Variants in FADS3 observed in about 807,000 individuals in gnomAD.
FADS3 encodes the protein cytochrome b5-related protein.
A neutral mutation model predicts 60.4 loss-of-function variants in FADS3; 30 were observed. The observed-to-expected ratio is 0.50, with a 90% confidence interval of 0.37 to 0.67. FADS3 has a LOEUF of 0.67. Ranked by LOEUF, FADS3 falls within the 30% of genes least tolerant of loss-of-function variation. The pLI, the probability that FADS3 is intolerant of heterozygous loss-of-function variation, is 0.00. For missense variants in FADS3, 432 were observed against 598.3 expected (o/e 0.72, Z 2.90); for synonymous variants, 234 against 249.3 (o/e 0.94, Z 0.58).
intron 11 of FADS3, among the ~76,000 whole-genome samples, chr11:61,875,549 G>C (rs1424179838): frequency 6.6e-6 from 1 of 152,168 alleles, no homozygotes; most frequent in Non-Finnish European, 1.5e-5. Flanking sequence ...CATGGCTTCT[G>C]TTTATGAGTC....
At chr11:61,883,223 C>T (rs917219607) in intron 1 of FADS3, among the ~76,000 whole-genome samples, 8 of 152,182 alleles carry the variant, frequency 5.3e-5, no homozygotes, top group Non-Finnish European at 1.0e-4. Flanking sequence ...TCTCCTCCCC[C>T]TGCCCCGGCA....
At chr11:61,878,033 G>T in intron 6 of FADS3, 122 bp downstream of exon 6, 2 of 833,210 alleles carry the variant, frequency 2.4e-6, no homozygotes, top group South Asian at 2.9e-5. Context: ...AGGATGCCAT[G>T]ACCAGGGAGA....
intron 1 of FADS3, among the ~76,000 whole-genome samples, chr11:61,888,042 C>A (rs1938372700): frequency 6.6e-6 from 1 of 152,228 alleles, no homozygotes; most frequent in African/African-American, 2.4e-5. Context: ...CAGCACATGG[C>A]CCTTATATAC....
At position 61,876,919 on chromosome 11, in the gene FADS3, G is replaced by A. The variant is rs760910502; in HGVS notation, c.930C>T (p.Ser310=). ...CAGGGACGCCGTAGAAGGGGAGGTA[G>A]GATAAGAAGAAGCGGGCATAGAAGC... ...AASFYARFFL[S]YLPFYGVPGV... The change falls in exon 8 of 12, where the codon TCC becomes TCT. Residue 310 remains serine (S), a synonymous_variant. Coordinates refer to ENST00000278829, the MANE Select transcript of FADS3 (RefSeq NM_021727.5). The surrounding 1 kb of genome is among the most constrained non-coding windows in gnomAD (Gnocchi z 5.7). 1.2e-6 allele frequency: 2 copies of A among 1,610,588 alleles called. No individual in the cohort carries two copies. The highest frequency in any genetic ancestry group is 3.4e-5 in the Admixed American group (2 of 59,576).
rs976256396 is a variant in FADS3 at position 61,883,779 on chromosome 11, G to A, written c.214-3628C>T. Among the ~76,000 whole-genome samples, 6 of 152,168 alleles carry A rather than the reference G, an allele frequency of 3.9e-5. No individual in the cohort carries two copies. In the South Asian group the frequency reaches 6.2e-4, roughly 16 times the overall value. ...CTGATTCACCCAGGCCAGCCCTGTC[G>A]AGGCACTGACAGGGGAGGACAGAAC... On this transcript the variant is annotated intron_variant, in intron 1 of 11. Transcript: ENST00000278829.
At position 61,877,670 on chromosome 11, in the gene FADS3, T is replaced by C. The variant is rs1937958709; in HGVS notation, c.809-83A>G. On this transcript the variant is annotated intron_variant, in intron 6 of 11. Coordinates refer to ENST00000278829, the MANE Select transcript of FADS3 (RefSeq NM_021727.5). The surrounding 1 kb of genome is among the most constrained non-coding windows in gnomAD (Gnocchi z 4.7). ...GCGCCAGAGTGAGGGGCTCTGTTAC[T>C]CCAGGAATGCCCCTGGGACGTTGGT... 7 of 1,255,956 alleles carry C rather than the reference T, an allele frequency of 5.6e-6. No homozygotes were observed. In the Admixed American group the frequency reaches 9.7e-5, roughly 17 times the overall value. 77.8% of individuals were successfully genotyped at this position (1,255,956 alleles called of 1,614,324 possible).
rs752511844 is a variant in FADS3 at position 61,880,049 on chromosome 11, G to T, written c.316C>A (p.Pro106Thr). 2.5e-6 allele frequency: 4 copies of T among 1,613,328 alleles called. No homozygotes were observed. The highest frequency in any genetic ancestry group is 3.4e-6 in the Non-Finnish European group (4 of 1,179,380). Residue 106 changes from proline to threonine, a missense_variant, in exon 2 of 12, where the codon CCC becomes ACC. Physicochemically the swap from Pro to Thr is conservative, Grantham distance 38. Coordinates refer to ENST00000278829, the MANE Select transcript of FADS3 (RefSeq NM_021727.5). ...CTAGGGCTCTGGCTCACATTCAGGG[G>T]TCCATCCTGGCTGGGTTCTTCCGGA... Reference protein sequence around the residue: ...LAPEEPSQDGPLNAQLVEDFR... With the variant: ...LAPEEPSQDGTLNAQLVEDFR...
chr11:61,874,607 G>A lies in FADS3; in HGVS notation c.1287-742C>T, dbSNP rs181990967. On this transcript the variant is annotated intron_variant, in intron 11 of 11. Transcript: ENST00000278829. ...CAGCTTTCCAAGATGCAAGCCGGGC[G>A]TGTCCCTTCTCTGAGTGCCTGCATG... Among the ~76,000 whole-genome samples, 170 of 152,302 alleles carry A rather than the reference G, an allele frequency of 1.1e-3. 2 individuals are homozygous for A. Among genetic ancestry groups the A allele is most frequent in the African/African-American group, 3.0e-3 (123 of 41,562 alleles).
chr11:61,879,974 A>C, intron 2 of FADS3, 67 bp downstream of exon 2: 1 of 1,341,428 alleles, frequency 7.5e-7, no homozygotes, highest in Non-Finnish European at 1.0e-6. Context: ...CCATGTGGCA[A>C]TGTCTCCCAG....
chr11:61,875,196 G>A (rs1937820961), intron 11 of FADS3, among the ~76,000 whole-genome samples: 1 of 152,134 alleles, frequency 6.6e-6, no homozygotes, highest in African/African-American at 2.4e-5. Context: ...ACTCTTGGCT[G>A]CCTGAGACAT....
intron 1 of FADS3, among the ~76,000 whole-genome samples, chr11:61,883,454 C>CACATGCAT (rs1938203932): frequency 6.6e-6 from 1 of 152,182 alleles, no homozygotes; most frequent in South Asian, 2.1e-4. Flanking sequence ...CAGACACACA[C>CACATGCAT]GCACATGCAG....
chr11:61,891,605 G>GC (rs1275963183), upstream of FADS3: 14 of 180,450 alleles, frequency 7.8e-5, no homozygotes, highest in East Asian at 3.2e-4. Context: ...CGCCTCGCCT[G>GC]CCCCCCCGCC....
Position 61,891,436 on chromosome 11 carries a change from C to A in FADS3, c.-55G>T. The A allele has an allele frequency of 7.9e-7, 1 of 1,265,062 alleles. No homozygotes were observed. Among genetic ancestry groups the A allele is most frequent in the Non-Finnish European group, 1.0e-6 (1 of 989,170 alleles). 78.4% of individuals were successfully genotyped at this position (1,265,062 alleles called of 1,614,324 possible). A position where few individuals can be genotyped will look rare whatever the true frequency, so the allele number is the denominator to read the frequency against. On this transcript the variant is annotated 5_prime_UTR_variant, in exon 1 of 12. Coordinates refer to ENST00000278829, the MANE Select transcript of FADS3 (RefSeq NM_021727.5). ...GCGGTGGCCGAGGTCCGAGCAAGAC[C>A]CCGAGGGAAGCGAAGAGCGCTCCCG...
intron 3 of FADS3, among the ~76,000 whole-genome samples, 154 bp downstream of exon 3, chr11:61,879,158 C>A (rs1489527476): frequency 6.6e-6 from 1 of 152,256 alleles, no homozygotes; most frequent in African/African-American, 2.4e-5. Flanking sequence ...CCTGATGGGC[C>A]TTCAGACTGT....
rs951516703 is a variant in FADS3 at position 61,875,705 on chromosome 11, T to G, written c.1286+146A>C. 5.1e-6 allele frequency: 5 copies of G among 976,004 alleles called. No homozygotes were observed. The African/African-American group carries it at 8.1e-5, about 16-fold the overall frequency. The allele number at this position is 976,004 out of a possible 1,614,324, so 60.5% of individuals were successfully genotyped here. On this transcript the variant is annotated intron_variant, in intron 11 of 11. Coordinates refer to ENST00000278829, the MANE Select transcript of FADS3 (RefSeq NM_021727.5). ...GCTCCAGAAATTCTCACTGTGTGCG[T>G]GAAGGCTGGGGAAGGGAGGAAGGGC...
At chr11:61,887,090 G>C (rs1038756050) in intron 1 of FADS3, among the ~76,000 whole-genome samples, 1 of 152,244 alleles carries the variant, frequency 6.6e-6, no homozygotes, top group African/African-American at 2.4e-5. Flanking sequence ...CAGGCACCCA[G>C]GTGCCCAGCA....
intron 1 of FADS3, 63 bp from the exon 2 acceptor site, chr11:61,880,214 G>T: frequency 7.4e-7 from 1 of 1,342,372 alleles, no homozygotes. Flanking sequence ...GCGGCAACCA[G>T]CAGAGACAGG....
Position 61,877,336 on chromosome 11 carries a change from T to A in FADS3, c.885+175A>T. On this transcript the variant is annotated intron_variant, in intron 7 of 11. Coordinates refer to ENST00000278829, the MANE Select transcript of FADS3 (RefSeq NM_021727.5). The surrounding 1 kb of genome is among the most constrained non-coding windows in gnomAD (Gnocchi z 4.7). ...ACCACACGTACAGTCACGGGCACAC[T>A]CGCTCTCCTGCTGCGCGCACACATG... 1 of 312,248 alleles carries A rather than the reference T, an allele frequency of 3.2e-6. No individual in the cohort carries two copies. 19.3% of individuals were successfully genotyped at this position (312,248 alleles called of 1,614,324 possible). A position where few individuals can be genotyped will look rare whatever the true frequency, so the allele number is the denominator to read the frequency against.
chr11:61,873,929 CT>C, intron 11 of FADS3, 64 bp from the exon 12 acceptor site: 1 of 1,045,434 alleles, frequency 9.6e-7, no homozygotes, highest in Non-Finnish European at 1.5e-6. Context: ...CCTAACACCC[CT>C]GTATCCCCCA....
Sources: allele counts gnomAD v4.1 joint callset (sites outside exome capture counted in the v4.1 genomes callset), GRCh38; gene constraint gnomAD v4.1.1; non-coding constraint Gnocchi (gnomAD v3.1); transcripts MANE v1.5; gene names NCBI Gene and HGNC (gene_info 2026-07-23, HGNC 2026-07-21).